DPY19L1: variants seen among roughly 807,000 people sequenced by gnomAD.
DPY19L1 encodes the protein dpy-19 like C-mannosyltransferase 1, also known as protein C-mannosyl-transferase DPY19L1.
Under a neutral mutation model 96.9 loss-of-function variants are expected in DPY19L1, and 35 were observed. That is an observed-to-expected ratio of 0.36 (90% CI 0.28 to 0.48). The LOEUF (loss-of-function observed/expected upper bound fraction) is 0.48. DPY19L1 is among the 20% of genes least tolerant of loss of function. DPY19L1 has a pLI of 0.99. For synonymous variants in DPY19L1, 205 were observed against 252.6 expected, an observed-to-expected ratio of 0.81 and a Z score of 1.79; for missense variants, 521 against 777.9, an observed-to-expected ratio of 0.67 and a Z score of 3.93.
intron 16 of DPY19L1, among the ~76,000 whole-genome samples, chr7:34,943,044 A>C (rs1784059714): frequency 6.6e-6 from 1 of 152,240 alleles, no homozygotes. Context: ...TCTGGGTCAG[A>C]GACAGAAATG....
At chr7:34,947,072 G>A (rs1215743037) in intron 15 of DPY19L1, among the ~76,000 whole-genome samples, 1 of 152,114 alleles carries the variant, frequency 6.6e-6, no homozygotes, top group Admixed American at 6.5e-5. Context: ...TGGTTACAGA[G>A]TGCACAATTC....
chr7:35,007,810 T>C (rs567709324), intron 6 of DPY19L1, among the ~76,000 whole-genome samples: 1 of 152,256 alleles, frequency 6.6e-6, no homozygotes, highest in African/African-American at 2.4e-5. Context: ...TAGTCACTGC[T>C]TGACTTTGGG....
intron 6 of DPY19L1, among the ~76,000 whole-genome samples, chr7:35,001,694 CCTT>C (rs59029153): frequency 6.6e-6 from 1 of 152,242 alleles, no homozygotes; most frequent in African/African-American, 2.4e-5. Context: ...AAAAACTCAA[CCTT>C]AACAGATTCC....
intron 10 of DPY19L1, among the ~76,000 whole-genome samples, chr7:34,963,673 A>G (rs921829490): frequency 2.0e-5 from 3 of 149,830 alleles, no homozygotes; most frequent in African/African-American, 7.4e-5. Flanking sequence ...GTATCCATGG[A>G]CAGATTGAAT....
In DPY19L1 at chr7:34,979,659, A is replaced by G. The variant is rs141221404; in HGVS notation, c.823-6054T>C. The stretch of plus-strand genomic sequence containing the variant: ...TGGAACCTTTTTGAGTTTGAAAGGA[A>G]GTGTTCAGACACCAGTGAGATATAT... On this transcript the variant is annotated intron_variant, in intron 7 of 21. Coordinates refer to ENST00000638088, the MANE Select transcript of DPY19L1 (RefSeq NM_001366673.1). Among the ~76,000 whole-genome samples, 762 of 152,242 alleles carry G rather than the reference A, an allele frequency of 5.0e-3. 5 individuals carry two copies. The highest frequency in any genetic ancestry group is 7.3e-3 in the Non-Finnish European group (495 of 67,944).
intron 3 of DPY19L1, 49 bp from the exon 4 acceptor site, chr7:35,013,754 G>A: frequency 6.9e-7 from 1 of 1,440,028 alleles, no homozygotes; most frequent in Non-Finnish European, 9.5e-7. Context: ...ACATAATTAT[G>A]ATGCCACTTC....
chr7:34,982,341 A>T (rs1784956761), intron 7 of DPY19L1, among the ~76,000 whole-genome samples: 1 of 152,208 alleles, frequency 6.6e-6, no homozygotes, highest in Non-Finnish European at 1.5e-5. Context: ...TAGGGGTGAG[A>T]CAGCATCATA....
At chr7:34,934,933 G>A (rs1015004900) in intron 21 of DPY19L1, among the ~76,000 whole-genome samples, 23 of 152,138 alleles carry the variant, frequency 1.5e-4, no homozygotes, top group African/African-American at 5.3e-4. Context: ...TCTGCCAAAG[G>A]ACTGCACAAT....
At position 34,929,102 on chromosome 7, in the gene DPY19L1, G is replaced by A. The variant is rs77896149; in HGVS notation, c.*2471C>T. The A allele has an allele frequency of 5.3e-5, 8 of 152,174 alleles. No individual in the cohort carries two copies. The East Asian group carries it at 1.5e-3, about 29-fold the overall frequency. The allele number at this position is 152,174 out of a possible 1,614,324, so 9.4% of individuals were successfully genotyped here. On this transcript the variant is annotated 3_prime_UTR_variant, in exon 22 of 22. Transcript: ENST00000638088. ...GAAATACAGCCCCAACTTTGTTTTC[G>A]AAAATGTTGTAGCAATAGCTATTTT...
chr7:34,959,068 C>T (rs1300191057), intron 10 of DPY19L1, among the ~76,000 whole-genome samples: 1 of 151,692 alleles, frequency 6.6e-6, no homozygotes, highest in Non-Finnish European at 1.5e-5. Flanking sequence ...TGAACAGACA[C>T]TTCTCAAAAG....
intron 1 of DPY19L1, among the ~76,000 whole-genome samples, chr7:35,030,071 G>T (rs1419066267): frequency 6.6e-6 from 1 of 152,050 alleles, no homozygotes; most frequent in African/African-American, 2.4e-5. Context: ...TGAGAAATAA[G>T]GTCTCATTTT....
chr7:35,008,494 A>G (rs907767486), intron 6 of DPY19L1, among the ~76,000 whole-genome samples: 3 of 152,190 alleles, frequency 2.0e-5, no homozygotes, highest in African/African-American at 7.2e-5. Flanking sequence ...ATTACAAGAA[A>G]ATGTGAATGC....
In DPY19L1 at chr7:34,941,781, A is replaced by G. The variant is rs752099505; in HGVS notation, c.1673T>C (p.Leu558Pro). ...ACATGTTACCTGTCTTGAGCAGATC[A>G]GTGATGCCATAACACACATGTGTGG... ...LTPHMCVMAS[L>P]ICSRQLFGWL... The change falls in exon 18 of 22, where the codon CTG becomes CCG. Residue 558 changes from leucine (L) to proline (P), a missense_variant. Coordinates refer to ENST00000638088, the MANE Select transcript of DPY19L1 (RefSeq NM_001366673.1). 6.3e-7 allele frequency: 1 copy of G among 1,599,742 alleles called. No individual in the cohort carries two copies. Among genetic ancestry groups the G allele is most frequent in the Non-Finnish European group, 8.5e-7 (1 of 1,176,538 alleles).
chr7:34,967,003 A>T lies in DPY19L1; in HGVS notation c.1015-32T>A, dbSNP rs1210430908. ...TTTAAAAAGAAATTAGAAGTAAAAA[A>T]GATAAAATGAATAGCTACAAGAATG... On this transcript the variant is annotated intron_variant, in intron 9 of 21. Coordinates refer to ENST00000638088, the MANE Select transcript of DPY19L1 (RefSeq NM_001366673.1). 2.1e-6 allele frequency: 3 copies of T among 1,450,392 alleles called. No individual in the cohort carries two copies. In the Admixed American group the frequency reaches 7.4e-5, roughly 36 times the overall value. The allele number at this position is 1,450,392 out of a possible 1,614,324, so 89.8% of individuals were successfully genotyped here.
At chr7:35,013,733 T>C (rs192786760) in intron 3 of DPY19L1, 28 bp from the exon 4 acceptor site, 27 of 1,542,506 alleles carry the variant, frequency 1.8e-5, no homozygotes, top group African/African-American at 4.1e-5. Context: ...TCAATTAAAA[T>C]AACAAAAGGT....
At position 34,995,524 on chromosome 7, in the gene DPY19L1, G is replaced by T. The variant is rs1584244257; in HGVS notation, c.765-5583C>A. 2.0e-5 allele frequency among the ~76,000 whole-genome samples: 3 copies of T among 152,186 alleles called. No homozygotes were observed. In the South Asian group the frequency reaches 6.2e-4, roughly 32 times the overall value. On this transcript the variant is annotated intron_variant, in intron 6 of 21. Transcript: ENST00000638088. ...AAAAAGGACCTCAAAATACTTTCCA[G>T]TTCTAAAATTTAAGAATTCTATAAT...
At chr7:35,030,690 A>G (rs1331193155) in intron 1 of DPY19L1, among the ~76,000 whole-genome samples, 2 of 152,216 alleles carry the variant, frequency 1.3e-5, no homozygotes, top group East Asian at 3.8e-4. Flanking sequence ...AATAGTGAGA[A>G]TGCTGAGAAA....
intron 3 of DPY19L1, 82 bp from the exon 4 acceptor site, chr7:35,013,787 AAAAC>A: frequency 1.8e-6 from 2 of 1,103,116 alleles, no homozygotes; most frequent in Non-Finnish European, 2.5e-6. Flanking sequence ...CTGTTTTTGA[AAAAC>A]AAAGCAATTA....
chr7:34,961,961 G>A (rs1278156882), intron 10 of DPY19L1, among the ~76,000 whole-genome samples: 1 of 152,150 alleles, frequency 6.6e-6, no homozygotes, highest in Non-Finnish European at 1.5e-5. Flanking sequence ...ATGCTGACAA[G>A]GATGTGGAGC....
Sources: gnomAD v4.1 joint callset for allele counts (sites outside exome capture counted in the v4.1 genomes callset) on GRCh38, gnomAD v4.1.1 for gene constraint, MANE v1.5 for transcripts, NCBI Gene and HGNC (gene_info 2026-07-23, HGNC 2026-07-21) for gene names.